LRRC4C: variants seen among roughly 807,000 people sequenced by gnomAD.
The protein encoded by LRRC4C is leucine-rich repeat-containing protein 4C.
Under a neutral mutation model 33.6 loss-of-function variants are expected in LRRC4C, and 5 were observed. The observed-to-expected ratio is 0.15, with a 90% CI of 0.08 to 0.31. The LOEUF (loss-of-function observed/expected upper bound fraction) is 0.31, where lower values mean the gene tolerates loss of function less well. Among genes scored for constraint, LRRC4C ranks in the 10% least tolerant of loss-of-function variants. The pLI is 1.00. For missense variants in LRRC4C, 560 were observed against 796.7 expected, an observed-to-expected ratio of 0.70 and a Z score of 3.58; for synonymous variants, 329 against 302.0, an observed-to-expected ratio of 1.09 and a Z score of -0.93.
chr11:40,365,149 G>A (rs1948150909), intron 3 of LRRC4C, among the ~76,000 whole-genome samples: 1 of 151,020 alleles, frequency 6.6e-6, no homozygotes, highest in Non-Finnish European at 1.5e-5. Context: ...GCAAAGATAT[G>A]GGGAAACTTA....
intron 1 of LRRC4C, among the ~76,000 whole-genome samples, chr11:41,015,650 C>A (rs941476215): frequency 1.3e-5 from 2 of 152,124 alleles, no homozygotes; most frequent in African/African-American, 4.8e-5. Flanking sequence ...TGAGGACATG[C>A]AGCTGTGTTT....
intron 1 of LRRC4C, among the ~76,000 whole-genome samples, chr11:40,984,148 G>A (rs1487128508): frequency 1.5e-5 from 2 of 134,240 alleles, no homozygotes; most frequent in Non-Finnish European, 3.2e-5. Flanking sequence ...TAAGAAAAAA[G>A]TAAAGAAAGA....
intron 1 of LRRC4C, among the ~76,000 whole-genome samples, chr11:41,103,074 A>C (rs1350556481): frequency 6.6e-6 from 1 of 152,016 alleles, no homozygotes; most frequent in South Asian, 2.1e-4. Flanking sequence ...AAGCATTATT[A>C]TAAATATGTA....
chr11:40,365,519 T>G (rs2137209517), intron 3 of LRRC4C, among the ~76,000 whole-genome samples: 1 of 152,172 alleles, frequency 6.6e-6, no homozygotes, highest in South Asian at 2.1e-4. Flanking sequence ...CTTGGCAAAT[T>G]CATGTCACAT....
In LRRC4C at chr11:40,789,093, G is replaced by GAAA. The variant is rs397956716; in HGVS notation, c.-406-140818_-406-140816dup. Among the ~76,000 whole-genome samples, 516 of 63,314 alleles carry GAAA rather than the reference G, an allele frequency of 8.1e-3. 7 individuals are homozygous for GAAA. The highest frequency in any genetic ancestry group is 0.025 in the African/African-American group (383 of 15,334). The allele number at this position is 63,314 out of a possible 152,430, so 41.5% of individuals were successfully genotyped here. On this transcript the variant is annotated intron_variant, in intron 2 of 6. Transcript: ENST00000528697. ...GGGTGAGAGCAAGACTCCGTCTCGG[G>GAAA]AAAAAAAAAAAAAAAAAAAAAAAAG...
chr11:41,057,131 C>T (rs191107064), intron 1 of LRRC4C, among the ~76,000 whole-genome samples: 1 of 152,204 alleles, frequency 6.6e-6, no homozygotes, highest in Non-Finnish European at 1.5e-5. Context: ...ACGCCGCCCC[C>T]CATTCCCCGA....
chr11:40,400,074 C>G (rs1949702014), intron 3 of LRRC4C, among the ~76,000 whole-genome samples: 1 of 152,184 alleles, frequency 6.6e-6, no homozygotes, highest in South Asian at 2.1e-4. Flanking sequence ...TCCATCTTCA[C>G]AGAGAATAGA....
At chr11:41,081,201 AG>A (rs1353454820) in intron 1 of LRRC4C, among the ~76,000 whole-genome samples, 1 of 152,234 alleles carries the variant, frequency 6.6e-6, no homozygotes, top group Non-Finnish European at 1.5e-5. Flanking sequence ...TGCCACAAAA[AG>A]TAAGCAAGCA....
intron 1 of LRRC4C, among the ~76,000 whole-genome samples, chr11:41,417,504 A>C (rs1459407891): frequency 6.6e-6 from 1 of 152,188 alleles, no homozygotes; most frequent in Non-Finnish European, 1.5e-5. Context: ...GTTTCTTACT[A>C]AAAACCACTA....
intron 1 of LRRC4C, among the ~76,000 whole-genome samples, chr11:41,271,087 C>T (rs1008360571): frequency 2.6e-5 from 4 of 152,050 alleles, no homozygotes; most frequent in African/African-American, 9.7e-5. Flanking sequence ...AATAATGTTA[C>T]CTTCACAGGT....
In LRRC4C at chr11:41,275,272, C is replaced by T. The variant is rs569466981; in HGVS notation, c.-496+184159G>A. 5.9e-5 allele frequency among the ~76,000 whole-genome samples: 9 copies of T among 152,144 alleles called. No individual in the cohort carries two copies. The East Asian group carries it at 1.7e-3, about 30-fold the overall frequency. On this transcript the variant is annotated intron_variant, in intron 1 of 6. Transcript: ENST00000528697. ...TCTCAAGTATTTCTTCATAGTAATG[C>T]AAAATGGACTACCACATGGAGAAGA...
intron 1 of LRRC4C, among the ~76,000 whole-genome samples, chr11:41,158,388 T>C (rs1181642518): frequency 1.3e-5 from 2 of 152,082 alleles, no homozygotes; most frequent in Admixed American, 1.3e-4. Context: ...AAAACCACAA[T>C]TTAGCTCAAG....
At chr11:40,975,754 T>C (rs900279377) in intron 1 of LRRC4C, among the ~76,000 whole-genome samples, 13 of 152,222 alleles carry the variant, frequency 8.5e-5, no homozygotes, top group Admixed American at 6.5e-4. Context: ...GAGAAGAAGT[T>C]ACACAGTTGG....
chr11:40,852,250 T>A (rs1953546600), intron 2 of LRRC4C, among the ~76,000 whole-genome samples: 2 of 152,194 alleles, frequency 1.3e-5, no homozygotes, highest in East Asian at 3.9e-4. Context: ...AGGACCCTGG[T>A]GAGTTGAAAT....
intron 5 of LRRC4C, among the ~76,000 whole-genome samples, chr11:40,164,241 G>C (rs1409151409): frequency 6.6e-6 from 1 of 152,156 alleles, no homozygotes; most frequent in Non-Finnish European, 1.5e-5. Flanking sequence ...CTCATCAATG[G>C]ATGAATGAAT....
chr11:41,012,902 A>G (rs1855312490), intron 1 of LRRC4C, among the ~76,000 whole-genome samples: 2 of 152,180 alleles, frequency 1.3e-5, no homozygotes, highest in Admixed American at 6.5e-5. Context: ...AGAATTGTCT[A>G]TTCAGACCTT....
At chr11:40,525,127 T>C (rs998736600) in intron 3 of LRRC4C, among the ~76,000 whole-genome samples, 2 of 151,778 alleles carry the variant, frequency 1.3e-5, no homozygotes, top group Non-Finnish European at 1.5e-5. Context: ...TCAGCATATG[T>C]GGAACAGAGA....
chr11:40,746,329 G>A (rs2136946332), intron 2 of LRRC4C, among the ~76,000 whole-genome samples: 1 of 152,242 alleles, frequency 6.6e-6, no homozygotes, highest in African/African-American at 2.4e-5. Flanking sequence ...TCATTTTAGA[G>A]CCCCATCCCT....
chr11:41,397,018 G>A (rs750370353), intron 1 of LRRC4C, among the ~76,000 whole-genome samples: 6 of 151,934 alleles, frequency 3.9e-5, no homozygotes, highest in East Asian at 1.9e-4. Flanking sequence ...ATGTAAATAC[G>A]ATTTTTTAAA....
Sources: gnomAD v4.1 joint callset for allele counts (sites outside exome capture counted in the v4.1 genomes callset) on GRCh38, gnomAD v4.1.1 for gene constraint, MANE v1.5 for transcripts, NCBI Gene and HGNC (gene_info 2026-07-23, HGNC 2026-07-21) for gene names.